Variants in FSTL4 observed in about 807,000 individuals in gnomAD.
FSTL4 encodes the protein follistatin-related protein 4.
FSTL4 carries 28 observed loss-of-function variants against 78.2 expected under a neutral mutation model. The ratio of observed to expected loss-of-function variants is 0.36; its 90% CI spans 0.27 to 0.49. FSTL4 has a LOEUF of 0.49. Ranked by LOEUF, FSTL4 falls within the 20% of genes least tolerant of loss-of-function variation. FSTL4 has a pLI of 0.98. For missense variants in FSTL4, 922 were observed against 1,084.9 expected (o/e 0.85, Z 2.11); for synonymous variants, 422 against 440.5 (o/e 0.96, Z 0.53).
At chr5:133,395,682 C>CA (rs1442402398) in intron 4 of FSTL4, among the ~76,000 whole-genome samples, 2 of 152,104 alleles carry the variant, frequency 1.3e-5, no homozygotes, top group African/African-American at 2.4e-5. Flanking sequence ...ATCCCATAAT[C>CA]ACTTGCTCTT....
chr5:133,425,935 T>A (rs1435657981), intron 3 of FSTL4, among the ~76,000 whole-genome samples: 2 of 152,130 alleles, frequency 1.3e-5, no homozygotes, highest in African/African-American at 2.4e-5. Flanking sequence ...GCATTTGAAG[T>A]TAGGGTGAGG....
rs191262672 is a variant in FSTL4, at chr5:133,335,110, T to C, written c.410-18458A>G. Among the ~76,000 whole-genome samples, 174 of 152,294 alleles carry C rather than the reference T, an allele frequency of 1.1e-3. 1 individual carries two copies. The highest frequency in any genetic ancestry group is 3.8e-3 in the African/African-American group (156 of 41,568). ...CGGTCTGTGCTGACACGGCACCACC[T>C]CCTCATGTTGAAGGCGTGGCTGGCC... On this transcript the variant is annotated intron_variant, in intron 4 of 15. Transcript: ENST00000265342.
chr5:133,671,533 C>T, the FSTL4 span, among the ~76,000 whole-genome samples: 2 of 152,208 alleles, frequency 1.3e-5, no homozygotes, highest in African/African-American at 4.8e-5. Context: ...ATTTCCTCAG[C>T]AAGGCCATTT....
intron 4 of FSTL4, among the ~76,000 whole-genome samples, chr5:133,395,448 G>A (rs1033343812): frequency 6.6e-6 from 1 of 152,188 alleles, no homozygotes; most frequent in Non-Finnish European, 1.5e-5. Flanking sequence ...AACATCAGAA[G>A]GAACAAACTC....
chr5:133,832,038 A>T, the FSTL4 span, among the ~76,000 whole-genome samples: 1 of 152,168 alleles, frequency 6.6e-6, no homozygotes, highest in Non-Finnish European at 1.5e-5. Flanking sequence ...CTACAATCAC[A>T]TTTTGAAATG....
chr5:133,418,401 C>G (rs562028152), intron 3 of FSTL4, among the ~76,000 whole-genome samples: 2 of 151,954 alleles, frequency 1.3e-5, no homozygotes, highest in Admixed American at 6.6e-5. Context: ...TCAATATGCT[C>G]ACGGATTAGA....
the FSTL4 span, among the ~76,000 whole-genome samples, chr5:133,784,307 T>A: frequency 1.3e-5 from 2 of 152,114 alleles, no homozygotes; most frequent in Non-Finnish European, 2.9e-5. Flanking sequence ...TCTGACCACA[T>A]ATTAAGTCTA....
chr5:133,837,073 C>A, the FSTL4 span, among the ~76,000 whole-genome samples: 1 of 152,068 alleles, frequency 6.6e-6, no homozygotes, highest in Non-Finnish European at 1.5e-5. Flanking sequence ...GCATGTTAGA[C>A]CATTTTACCA....
At chr5:133,705,645 C>G in the FSTL4 span, among the ~76,000 whole-genome samples, 1 of 152,150 alleles carries the variant, frequency 6.6e-6, no homozygotes, top group Non-Finnish European at 1.5e-5. Context: ...TCAGGGACAA[C>G]CCAGCAGCCT....
chr5:133,667,574 A>T, the FSTL4 span, among the ~76,000 whole-genome samples: 1 of 152,174 alleles, frequency 6.6e-6, no homozygotes, highest in South Asian at 2.1e-4. Context: ...TATCAGACCC[A>T]CTTCTGTCCC....
At chr5:133,230,767 A>G (rs1182095344) in intron 8 of FSTL4, among the ~76,000 whole-genome samples, 1 of 152,036 alleles carries the variant, frequency 6.6e-6, no homozygotes, top group Non-Finnish European at 1.5e-5. Flanking sequence ...GCCAATCTCC[A>G]CTAGAAGCCT....
intron 3 of FSTL4, among the ~76,000 whole-genome samples, chr5:133,406,159 A>G (rs946738405): frequency 6.6e-6 from 1 of 152,342 alleles, no homozygotes; most frequent in African/African-American, 2.4e-5. Context: ...TGAGGAGGTG[A>G]GATTAGACCT....
intron 14 of FSTL4, 175 bp downstream of exon 14, chr5:133,210,016 T>C: frequency 1.9e-6 from 1 of 529,328 alleles, no homozygotes. Context: ...CTGTCATCAA[T>C]TGCCTGTGAG....
chr5:133,773,111 T>G, the FSTL4 span, among the ~76,000 whole-genome samples: 7 of 152,182 alleles, frequency 4.6e-5, 1 homozygote, highest in South Asian at 8.3e-4. Context: ...GGGAAAAAAT[T>G]ATAACACAAA....
chr5:133,469,011 C>T (rs897116670), intron 3 of FSTL4, among the ~76,000 whole-genome samples: 15 of 152,324 alleles, frequency 9.8e-5, no homozygotes, highest in African/African-American at 3.6e-4. Flanking sequence ...TATAATTACT[C>T]TTAATTGCAA....
At chr5:133,358,643 T>G (rs1163632072) in intron 4 of FSTL4, among the ~76,000 whole-genome samples, 1 of 145,848 alleles carries the variant, frequency 6.9e-6, no homozygotes, top group Admixed American at 7.0e-5. Flanking sequence ...TCGCCCAGGC[T>G]GGATGGAGTG....
At chr5:133,433,788 G>A (rs1756985689) in intron 3 of FSTL4, among the ~76,000 whole-genome samples, 1 of 152,152 alleles carries the variant, frequency 6.6e-6, no homozygotes, top group African/African-American at 2.4e-5. Context: ...AAGAGCTGGG[G>A]GAAGCACGGC....
At chr5:133,729,135 G>C in the FSTL4 span, among the ~76,000 whole-genome samples, 1 of 151,992 alleles carries the variant, frequency 6.6e-6, no homozygotes, top group African/African-American at 2.4e-5. Flanking sequence ...AAGGCAAGAG[G>C]GGTCCTCTTA....
chr5:133,209,980 C>T (rs1750649871), intron 14 of FSTL4: 7 of 463,630 alleles, frequency 1.5e-5, no homozygotes, highest in Middle Eastern at 5.9e-4. Context: ...GTTGTGATGT[C>T]AGAATCCTAT....
Sources: gnomAD v4.1 joint callset for allele counts (sites outside exome capture counted in the v4.1 genomes callset) on GRCh38, gnomAD v4.1.1 for gene constraint, MANE v1.5 for transcripts, NCBI Gene and HGNC (gene_info 2026-07-23, HGNC 2026-07-21) for gene names.